The following GAREM1 variants were observed in gnomAD, a reference collection of about 807,000 sequenced individuals.
GAREM1 encodes GRB2-associated and regulator of MAPK protein 1.
GAREM1 carries 26 observed loss-of-function variants against 71.3 expected under a neutral mutation model. That is an observed-to-expected ratio of 0.36 (90% CI 0.27 to 0.51). The LOEUF (loss-of-function observed/expected upper bound fraction) is 0.51, where lower values mean the gene tolerates loss of function less well. Ranked by LOEUF, GAREM1 falls within the 20% of genes least tolerant of loss-of-function variation. GAREM1 has a pLI of 0.95. For synonymous variants in GAREM1, 440 were observed against 433.2 expected, an observed-to-expected ratio of 1.02 and a Z score of -0.20; for missense variants, 1,026 against 1,103.1, an observed-to-expected ratio of 0.93 and a Z score of 0.99.
chr18:32,360,231 AAT>A (rs1013181692), intron 2 of GAREM1, among the ~76,000 whole-genome samples: 5 of 151,414 alleles, frequency 3.3e-5, no homozygotes, highest in Admixed American at 6.6e-5. Context: ...CTGTTTAAAA[AAT>A]ATATATATAT....
intron 2 of GAREM1, among the ~76,000 whole-genome samples, chr18:32,363,991 T>C (rs114136700): frequency 2.0e-5 from 1 of 50,176 alleles, no homozygotes; most frequent in African/African-American, 9.7e-5. Flanking sequence ...TAAATACATA[T>C]ATACATATAT....
rs1378010665 is a variant in GAREM1 at position 32,265,816 on chromosome 18, AT to A, written c.*2054del. ...TGAGAATTGTGTCCGAGTGCTAAGTATTTTAAAACGGATTCAGCTAGGTTTG... is the reference window on the plus strand; with the variant it reads ...TGAGAATTGTGTCCGAGTGCTAAGTATTTAAAACGGATTCAGCTAGGTTTG... On this transcript the variant is annotated 3_prime_UTR_variant, in exon 6 of 6. Coordinates refer to ENST00000269209, the MANE Select transcript of GAREM1 (RefSeq NM_001242409.2). 6.6e-6 allele frequency: 1 copy of A among 152,224 alleles called. No homozygotes were observed. Among genetic ancestry groups the A allele is most frequent in the Non-Finnish European group, 1.5e-5 (1 of 68,042 alleles). The allele number at this position is 152,224 out of a possible 1,614,324, so 9.4% of individuals were successfully genotyped here. A position where few individuals can be genotyped will look rare whatever the true frequency, so the allele number is the denominator to read the frequency against.
chr18:32,277,075 T>C (rs2041552948), intron 4 of GAREM1, among the ~76,000 whole-genome samples: 2 of 152,080 alleles, frequency 1.3e-5, no homozygotes, highest in African/African-American at 4.8e-5. Flanking sequence ...AGCAAGTCAC[T>C]GGTGATCTTA....
chr18:32,400,766 C>T (rs1463631541), intron 1 of GAREM1, among the ~76,000 whole-genome samples: 6 of 152,150 alleles, frequency 3.9e-5, no homozygotes, highest in African/African-American at 1.2e-4. Context: ...GACAGTGTGG[C>T]GATTCCTCAA....
chr18:32,336,377 C>T (rs926632071), intron 2 of GAREM1, among the ~76,000 whole-genome samples: 13 of 144,842 alleles, frequency 9.0e-5, no homozygotes, highest in Admixed American at 5.2e-4. Context: ...TTGCAGTGAG[C>T]GAAGATCGCG....
Position 32,404,693 on chromosome 18 carries a change from T to C in GAREM1, c.122-11658A>G, listed in dbSNP as rs561324534. Reference sequence around the variant, plus strand: ...ACTCCGAAATACCTAACTTTGCAAATATATAATCTTATATGACAGATTTAT... The same window carrying C: ...ACTCCGAAATACCTAACTTTGCAAACATATAATCTTATATGACAGATTTAT... On this transcript the variant is annotated intron_variant, in intron 1 of 5. Coordinates refer to ENST00000269209, the MANE Select transcript of GAREM1 (RefSeq NM_001242409.2). Among the ~76,000 whole-genome samples, 133 of 152,350 alleles carry C rather than the reference T, an allele frequency of 8.7e-4. 3 individuals carry two copies. The South Asian group carries it at 0.026, about 29-fold the overall frequency.
chr18:32,346,552 T>C (rs966581617), intron 2 of GAREM1, among the ~76,000 whole-genome samples: 6 of 152,180 alleles, frequency 3.9e-5, no homozygotes, highest in East Asian at 1.9e-4. Flanking sequence ...TCACACCACA[T>C]AGAAAATAAA....
chr18:32,432,833 A>G (rs947352963), intron 1 of GAREM1, among the ~76,000 whole-genome samples: 6 of 152,146 alleles, frequency 3.9e-5, no homozygotes, highest in Admixed American at 6.5e-5. Context: ...CAAAGCCAAG[A>G]TAGTTTTATT....
rs377510141 is a variant in GAREM1, at chr18:32,268,050, T to G, written c.2452A>C (p.Lys818Gln). The G allele has an allele frequency of 6.1e-5, 98 of 1,614,040 alleles. No homozygotes were observed. The highest frequency in any genetic ancestry group is 8.0e-5 in the Non-Finnish European group (94 of 1,180,012). Residue 818 changes from lysine to glutamine, a missense_variant, in exon 6 of 6, where the codon AAG (lysine) becomes CAG (glutamine). This residue lies in a region of GAREM1 where 636 missense variants were observed against 631.2 expected (regional missense o/e 1.01). Coordinates refer to ENST00000269209, the MANE Select transcript of GAREM1 (RefSeq NM_001242409.2). ...GACAAACCAATGAACCGTAGTGACT[T>G]GGACACTTCCTCTATAGAGAGTCCT... ...LSGLSIEEVS[K>Q]SLRFIGLSED...
intron 1 of GAREM1, among the ~76,000 whole-genome samples, chr18:32,452,922 G>GTGTA (rs142179389): frequency 0.032 from 4,816 of 151,672 alleles, 208 homozygotes; most frequent in African/African-American, 0.1. Context: ...AGGTATGTAT[G>GTGTA]TGTGTGTGTT....
At chr18:32,288,266 C>T (rs2047047631) in intron 3 of GAREM1, 63 bp from the exon 4 acceptor site, 8 of 1,334,228 alleles carry the variant, frequency 6.0e-6, no homozygotes, top group Non-Finnish European at 8.2e-6. Flanking sequence ...AAAGAACTTC[C>T]TATTAAGACA....
chr18:32,310,092 C>A, intron 3 of GAREM1, 101 bp downstream of exon 3: 1 of 1,331,828 alleles, frequency 7.5e-7, no homozygotes, highest in Non-Finnish European at 1.0e-6. Context: ...AAGATAAAAC[C>A]CTCCTAGGAG....
At chr18:32,290,118 A>C (rs1362291940) in intron 3 of GAREM1, 1 of 151,516 alleles carries the variant, frequency 6.6e-6, no homozygotes, top group Non-Finnish European at 1.5e-5. Context: ...TAAATTAAAA[A>C]TATATAAAGT....
rs368518287 is a variant in GAREM1 at position 32,414,304 on chromosome 18, CT to C, written c.122-21270del. On this transcript the variant is annotated intron_variant, in intron 1 of 5. Transcript: ENST00000269209. ...CTTGATCCAGTGACTATTTTCTAAA[CT>C]TTCTCAGACAGACAGATAGATGAGT... Among the ~76,000 whole-genome samples the C allele has an allele frequency of 3.9e-5, 6 of 152,192 alleles. No individual in the cohort carries two copies. The East Asian group carries it at 1.2e-3, about 29-fold the overall frequency.
chr18:32,367,350 GCTTTT>G (rs1410899954), intron 2 of GAREM1, among the ~76,000 whole-genome samples: 1 of 152,170 alleles, frequency 6.6e-6, no homozygotes, highest in Non-Finnish European at 1.5e-5. Context: ...GTAACAGCCT[GCTTTT>G]CCTCCTCACA....
intron 2 of GAREM1, among the ~76,000 whole-genome samples, chr18:32,354,122 T>C (rs565087237): frequency 1.3e-5 from 2 of 152,318 alleles, no homozygotes; most frequent in East Asian, 1.9e-4. Flanking sequence ...TATAAAAGAA[T>C]ACTTTAGTAC....
chr18:32,281,827 G>A (rs144340232), intron 4 of GAREM1, among the ~76,000 whole-genome samples: 2,680 of 152,248 alleles, frequency 0.018, 84 homozygotes, highest in African/African-American at 0.06. Flanking sequence ...TGACTTGCAC[G>A]TATATGCCCA....
At chr18:32,291,077 A>G (rs537385080) in intron 3 of GAREM1, among the ~76,000 whole-genome samples, 10 of 152,318 alleles carry the variant, frequency 6.6e-5, no homozygotes, top group African/African-American at 2.4e-4. Context: ...AAATATTGGA[A>G]CTCATCTAAA....
chr18:32,437,192 G>A (rs2048688547), intron 1 of GAREM1, among the ~76,000 whole-genome samples: 2 of 152,194 alleles, frequency 1.3e-5, no homozygotes, highest in African/African-American at 2.4e-5. Context: ...ACAGAGCCAG[G>A]AGACGTGGGC....
Sources: gnomAD v4.1 joint callset for allele counts (sites outside exome capture counted in the v4.1 genomes callset) on GRCh38, gnomAD v4.1.1 for gene constraint, gnomAD v4.1.1 regional missense constraint, MANE v1.5 for transcripts, NCBI Gene and HGNC (gene_info 2026-07-23, HGNC 2026-07-21) for gene names.